TULP4: variants seen among roughly 807,000 people sequenced by gnomAD.
TULP4 encodes TUB like protein 4.
TULP4 carries 16 observed loss-of-function variants against 129.0 expected under a neutral mutation model. The observed-to-expected ratio is 0.12, with a 90% CI of 0.08 to 0.19. The LOEUF (loss-of-function observed/expected upper bound fraction) is 0.19. Among genes scored for constraint, TULP4 ranks in the 10% least tolerant of loss-of-function variants. TULP4 has a pLI of 1.00. For missense variants in TULP4, 1,842 were observed against 2,059.1 expected (o/e 0.89, Z 2.04); for synonymous variants, 998 against 854.0 (o/e 1.17, Z -2.94).
intron 1 of TULP4, among the ~76,000 whole-genome samples, chr6:158,234,751 A>G (rs545067007): frequency 1.3e-5 from 2 of 152,242 alleles, no homozygotes; most frequent in Non-Finnish European, 2.9e-5. Flanking sequence ...GTGAGACTTC[A>G]TGGAATATGT....
intron 1 of TULP4, among the ~76,000 whole-genome samples, chr6:158,250,200 C>T (rs958911620): frequency 5.3e-5 from 8 of 151,380 alleles, no homozygotes; most frequent in Admixed American, 3.3e-4. Context: ...GCTCTGTCAC[C>T]AGGCTGGAGT....
upstream of TULP4, among the ~76,000 whole-genome samples, chr6:158,281,966 A>T (rs902428136): frequency 6.6e-6 from 1 of 152,026 alleles, no homozygotes; most frequent in Non-Finnish European, 1.5e-5. Flanking sequence ...ATCTATCCTG[A>T]GTCTCTCTTT....
intron 1 of TULP4, among the ~76,000 whole-genome samples, chr6:158,263,532 C>T (rs1413281966): frequency 6.6e-6 from 1 of 152,144 alleles, no homozygotes; most frequent in Non-Finnish European, 1.5e-5. Flanking sequence ...GAAATTTTGG[C>T]TAAATTAATA....
chr6:158,331,722 C>CGTGT (rs1562523116), intron 1 of TULP4, among the ~76,000 whole-genome samples: 1 of 36,578 alleles, frequency 2.7e-5, no homozygotes, highest in Non-Finnish European at 5.2e-5. Context: ...CACACACACA[C>CGTGT]ACACACATAC....
intron 1 of TULP4, among the ~76,000 whole-genome samples, chr6:158,408,591 C>A (rs979243140): frequency 6.6e-6 from 1 of 151,972 alleles, no homozygotes; most frequent in Non-Finnish European, 1.5e-5. Context: ...GTCAAGCAGA[C>A]GAGGAAAGGG....
intron 2 of TULP4, among the ~76,000 whole-genome samples, chr6:158,414,809 C>A (rs1444879839): frequency 6.6e-6 from 1 of 152,152 alleles, no homozygotes; most frequent in Admixed American, 6.5e-5. Context: ...AGGATAAATG[C>A]CAAATGAGTG....
chr6:158,237,983 CT>C, intron 1 of TULP4: 1 of 725,332 alleles, frequency 1.4e-6, no homozygotes, highest in Admixed American at 1.8e-5. Context: ...TTTGCAGCTT[CT>C]TTTATCAAGG....
intron 1 of TULP4, among the ~76,000 whole-genome samples, chr6:158,322,821 G>A (rs1779668556): frequency 6.6e-6 from 1 of 152,220 alleles, no homozygotes; most frequent in Non-Finnish European, 1.5e-5. Context: ...AGGGTGAAAC[G>A]TGGACTTCGC....
chr6:158,392,794 CTTTTTTT>C (rs773565295), intron 1 of TULP4, among the ~76,000 whole-genome samples: 54 of 54,650 alleles, frequency 9.9e-4, no homozygotes, highest in African/African-American at 3.1e-3. Flanking sequence ...ATTTGTATTT[CTTTTTTT>C]TTTTTTTTTT....
At chr6:158,473,554 C>T (rs1164724344) in intron 6 of TULP4, among the ~76,000 whole-genome samples, 7 of 152,178 alleles carry the variant, frequency 4.6e-5, no homozygotes, top group Non-Finnish European at 7.4e-5. Context: ...GTTTTGCTCT[C>T]GTTGCTTAGG....
intron 1 of TULP4, among the ~76,000 whole-genome samples, chr6:158,257,319 G>A (rs1350706054): frequency 1.3e-5 from 2 of 152,060 alleles, no homozygotes; most frequent in East Asian, 3.8e-4. Context: ...TTATTTATAC[G>A]GCTGTCACAT....
At chr6:158,385,952 C>T (rs1777438758) in intron 1 of TULP4, among the ~76,000 whole-genome samples, 1 of 148,796 alleles carries the variant, frequency 6.7e-6, no homozygotes, top group Non-Finnish European at 1.5e-5. Flanking sequence ...TCAAGCAATC[C>T]TCCTGCATCC....
At chr6:158,440,865 T>C (rs765930139) in intron 3 of TULP4, among the ~76,000 whole-genome samples, 2 of 152,258 alleles carry the variant, frequency 1.3e-5, no homozygotes, top group Non-Finnish European at 2.9e-5. Context: ...TTTGTACTTT[T>C]TCATTTTGTC....
At chr6:158,289,382 T>A (rs999488640) in intron 1 of TULP4, among the ~76,000 whole-genome samples, 1 of 152,104 alleles carries the variant, frequency 6.6e-6, no homozygotes, top group African/African-American at 2.4e-5. Context: ...TTGTCTAATT[T>A]TTTTTTCTTT....
intron 5 of TULP4, among the ~76,000 whole-genome samples, chr6:158,459,296 G>A (rs1779365043): frequency 6.6e-6 from 1 of 152,156 alleles, no homozygotes; most frequent in African/African-American, 2.4e-5. Flanking sequence ...TGGGCATGGT[G>A]GCGCATGCCT....
At chr6:158,408,717 G>A (rs765780012) in intron 1 of TULP4, among the ~76,000 whole-genome samples, 2 of 152,178 alleles carry the variant, frequency 1.3e-5, no homozygotes, top group Non-Finnish European at 2.9e-5. Flanking sequence ...CTGACCTCCC[G>A]GTGACATCTC....
chr6:158,375,104 G>A (rs929340672), intron 1 of TULP4, among the ~76,000 whole-genome samples: 6 of 152,080 alleles, frequency 3.9e-5, no homozygotes, highest in South Asian at 2.1e-4. Context: ...TTAGCCAGAC[G>A]TGGTGGTGGG....
At chr6:158,334,178 T>G (rs1779980776) in intron 1 of TULP4, among the ~76,000 whole-genome samples, 1 of 152,138 alleles carries the variant, frequency 6.6e-6, no homozygotes, top group Non-Finnish European at 1.5e-5. Context: ...CACCATGAGA[T>G]CCATATGAAA....
chr6:158,242,212 A>G (rs542824062), intron 1 of TULP4: 1 of 1,468,874 alleles, frequency 6.8e-7, no homozygotes, highest in African/African-American at 1.4e-5. Context: ...ATGGTGGCAA[A>G]GACCTTCAGC....
Sources: gnomAD v4.1 joint callset for allele counts (sites outside exome capture counted in the v4.1 genomes callset) on GRCh38, gnomAD v4.1.1 for gene constraint, MANE v1.5 for transcripts, NCBI Gene and HGNC (gene_info 2026-07-23, HGNC 2026-07-21) for gene names.